The following CHLSN variants were observed in gnomAD, a reference collection of about 807,000 sequenced individuals.
CHLSN encodes the protein cholesin.
chr7:990,914 T>C, the CHLSN span, among the ~76,000 whole-genome samples: 2 of 152,012 alleles, frequency 1.3e-5, no homozygotes, highest in Non-Finnish European at 2.9e-5. Context: ...CTCCCAGCTG[T>C]TGTCAGGGCT....
the CHLSN span, among the ~76,000 whole-genome samples, chr7:992,029 G>C: frequency 6.6e-6 from 1 of 152,148 alleles, no homozygotes. Context: ...GCTTCCTCAC[G>C]CATGGATTTC....
the CHLSN span, among the ~76,000 whole-genome samples, chr7:1,056,994 C>T: frequency 2.0e-5 from 3 of 152,156 alleles, no homozygotes. Flanking sequence ...CCACAGGTCA[C>T]CCTCCCTGGA....
the CHLSN span, among the ~76,000 whole-genome samples, chr7:1,060,281 TCCC>T: frequency 6.6e-6 from 1 of 152,024 alleles, no homozygotes; most frequent in African/African-American, 2.4e-5. Context: ...AGGAAGATGT[TCCC>T]CCCAAGTTTG....
the CHLSN span, among the ~76,000 whole-genome samples, chr7:1,112,587 C>T: frequency 6.6e-6 from 1 of 152,064 alleles, no homozygotes; most frequent in Non-Finnish European, 1.5e-5. Flanking sequence ...AACGATTGGG[C>T]CAATAGCACA....
chr7:1,028,951 G>A, the CHLSN span: 18 of 400,982 alleles, frequency 4.5e-5, no homozygotes, highest in African/African-American at 4.3e-4. Flanking sequence ...AGGCCCTGCA[G>A]GCAGAGGCCT....
chr7:1,002,637 G>A, the CHLSN span, among the ~76,000 whole-genome samples: 2 of 133,918 alleles, frequency 1.5e-5, no homozygotes, highest in South Asian at 5.3e-4. Flanking sequence ...AGTCCTGTGG[G>A]TGGGGAGTCC....
chr7:1,070,185 C>G, the CHLSN span, among the ~76,000 whole-genome samples: 1 of 123,622 alleles, frequency 8.1e-6, no homozygotes, highest in African/African-American at 3.0e-5. Context: ...GGAGCCTCTC[C>G]GCCCGGCAGC....
At chr7:1,028,282 C>G in the CHLSN span, 309 of 1,070,510 alleles carry the variant, frequency 2.9e-4, no homozygotes, top group African/African-American at 5.0e-3. Context: ...TCAGGTCCCG[C>G]GGGCACGGAC....
At chr7:1,055,131 T>A in the CHLSN span, 1 of 401,100 alleles carries the variant, frequency 2.5e-6, no homozygotes, top group African/African-American at 2.1e-5. Context: ...ATCAGAAAGG[T>A]GGGACAAGAG....
At chr7:1,114,774 C>T in the CHLSN span, among the ~76,000 whole-genome samples, 2 of 152,258 alleles carry the variant, frequency 1.3e-5, no homozygotes, top group Admixed American at 1.3e-4. Context: ...ACGAGGGTGG[C>T]CCGGGAGCCA....
chr7:1,060,409 GC>G, the CHLSN span, among the ~76,000 whole-genome samples: 1 of 152,154 alleles, frequency 6.6e-6, no homozygotes, highest in South Asian at 2.1e-4. Context: ...TGCCCTGAGC[GC>G]CCCGGGGTTC....
chr7:1,081,085 C>T, the CHLSN span, among the ~76,000 whole-genome samples: 18 of 152,248 alleles, frequency 1.2e-4, no homozygotes, highest in Admixed American at 2.6e-4. Flanking sequence ...GGAGCACGCC[C>T]CCCACCCGGC....
At chr7:1,028,449 A>T in the CHLSN span, 22 of 984,902 alleles carry the variant, frequency 2.2e-5, no homozygotes, top group Non-Finnish European at 1.8e-5. Context: ...CGGGGACTGG[A>T]CCTCGGCGCG....
the CHLSN span, among the ~76,000 whole-genome samples, chr7:1,016,146 GCAGCACACGCCAGCA>G: frequency 3.1e-5 from 3 of 96,314 alleles, no homozygotes; most frequent in Admixed American, 1.1e-4. Context: ...CCAGCACACA[GCAGCACACGCCAGCA>G]CACAGCAGCA....
chr7:987,082 C>G, the CHLSN span: 4 of 1,491,386 alleles, frequency 2.7e-6, no homozygotes, highest in South Asian at 1.4e-5. Context: ...GATCATCCCA[C>G]GAGCCCTGCC....
chr7:1,034,597 G>A, the CHLSN span, among the ~76,000 whole-genome samples: 12 of 152,210 alleles, frequency 7.9e-5, no homozygotes, highest in Admixed American at 7.9e-4. Flanking sequence ...GGTGCCCCAT[G>A]TTAGCAATGT....
the CHLSN span, among the ~76,000 whole-genome samples, chr7:1,079,694 G>A: frequency 6.6e-6 from 1 of 152,182 alleles, no homozygotes; most frequent in Non-Finnish European, 1.5e-5. Flanking sequence ...GCCCTGGCGG[G>A]GGCTGGGAGG....
the CHLSN span, chr7:1,055,463 G>A: frequency 3.5e-3 from 1,632 of 461,284 alleles, 19 homozygotes; most frequent in African/African-American, 0.03. Flanking sequence ...AGCACCAAGA[G>A]GCTTGGGCCA....
At chr7:1,091,789 C>G in the CHLSN span, 3 of 1,586,184 alleles carry the variant, frequency 1.9e-6, no homozygotes, top group Admixed American at 1.7e-5. Flanking sequence ...CACCGCGCAG[C>G]CTGCGGCCCC....
Sources: allele counts gnomAD v4.1 joint callset (sites outside exome capture counted in the v4.1 genomes callset), GRCh38; gene constraint gnomAD v4.1.1; transcripts MANE v1.5; gene names NCBI Gene and HGNC (gene_info 2026-07-23, HGNC 2026-07-21).